TIPRL: variants seen among roughly 807,000 people sequenced by gnomAD.
The protein encoded by TIPRL is TIP41-like protein.
TIPRL carries 10 observed loss-of-function variants against 32.3 expected under a neutral mutation model. That is an observed-to-expected ratio of 0.31 (90% confidence interval 0.19 to 0.52). The LOEUF is 0.52. TIPRL is among the 20% of genes least tolerant of loss of function. The probability of loss-of-function intolerance (pLI) is 0.96; values close to 1 mark genes in which losing one functional copy is unlikely to be tolerated. For synonymous variants in TIPRL, 100 were observed against 114.0 expected, an observed-to-expected ratio of 0.88 and a Z score of 0.78; for missense variants, 250 against 328.1, an observed-to-expected ratio of 0.76 and a Z score of 1.84.
At chr1:168,188,866 C>T (rs1211011186) in intron 3 of TIPRL, among the ~76,000 whole-genome samples, 5 of 152,018 alleles carry the variant, frequency 3.3e-5, no homozygotes, top group African/African-American at 4.8e-5. Flanking sequence ...GTGTAATCCT[C>T]GCTACTTGGG....
At chr1:168,185,083 T>C (rs1300294665) in intron 3 of TIPRL, among the ~76,000 whole-genome samples, 1 of 152,222 alleles carries the variant, frequency 6.6e-6, no homozygotes, top group Non-Finnish European at 1.5e-5. Context: ...AAAAATTTAT[T>C]TTTAAAAGTG....
In TIPRL at chr1:168,179,014, C is replaced by T. The variant is rs1699925188; in HGVS notation, c.-64C>T. ...CTGGGCCGGAGGGAGGCGGAGGAACCGGTGTTCGCCGCCGCCGCTGCTTCA... is the reference window on the plus strand; with the variant it reads ...CTGGGCCGGAGGGAGGCGGAGGAACTGGTGTTCGCCGCCGCCGCTGCTTCA... On this transcript the variant is annotated 5_prime_UTR_variant, in exon 1 of 7. Coordinates refer to ENST00000367833, the MANE Select transcript of TIPRL (RefSeq NM_152902.5). The T allele has an allele frequency of 7.0e-6, 10 of 1,436,788 alleles. No homozygotes were observed. Among genetic ancestry groups the T allele is most frequent in the Non-Finnish European group, 9.6e-6 (10 of 1,040,850 alleles). The allele number at this position is 1,436,788 out of a possible 1,614,324, so 89.0% of individuals were successfully genotyped here.
At chr1:168,191,667 C>G (rs879755139) in intron 4 of TIPRL, among the ~76,000 whole-genome samples, 167 bp downstream of exon 4, 6 of 151,680 alleles carry the variant, frequency 4.0e-5, no homozygotes, top group Non-Finnish European at 8.8e-5. Context: ...GGTCAGGAGA[C>G]CGAGACCATC....
intron 3 of TIPRL, among the ~76,000 whole-genome samples, chr1:168,185,091 G>A (rs762935596): frequency 6.6e-6 from 1 of 152,220 alleles, no homozygotes; most frequent in Non-Finnish European, 1.5e-5. Context: ...ATTTTTAAAA[G>A]TGTAGTTGGT....
At chr1:168,187,761 TCAGGAGTTCAAGAC>T (rs1177455553) in intron 3 of TIPRL, among the ~76,000 whole-genome samples, 2 of 152,078 alleles carry the variant, frequency 1.3e-5, no homozygotes, top group Non-Finnish European at 2.9e-5. Flanking sequence ...TCACTTGAGC[TCAGGAGTTCAAGAC>T]CAGTCTGGGC....
At chr1:168,179,911 G>C (rs1699939542) in intron 1 of TIPRL, among the ~76,000 whole-genome samples, 1 of 152,080 alleles carries the variant, frequency 6.6e-6, no homozygotes, top group Admixed American at 6.5e-5. Context: ...GCTGTGATGT[G>C]TTTAAAGAGC....
intron 3 of TIPRL, among the ~76,000 whole-genome samples, chr1:168,185,104 C>T (rs1434780446): frequency 1.3e-5 from 2 of 152,172 alleles, no homozygotes; most frequent in Non-Finnish European, 2.9e-5. Flanking sequence ...TAGTTGGTGG[C>T]AACGGCAGAC....
intron 1 of TIPRL, 59 bp from the exon 2 acceptor site, chr1:168,183,843 G>T (rs1699995837): frequency 1.3e-6 from 2 of 1,559,982 alleles, no homozygotes; most frequent in Non-Finnish European, 1.8e-6. Flanking sequence ...GGATGGAAAA[G>T]AAACAAAAAT....
chr1:168,184,108 C>CA, intron 2 of TIPRL, 27 bp downstream of exon 2: 2 of 1,570,446 alleles, frequency 1.3e-6, no homozygotes, highest in Non-Finnish European at 1.7e-6. Flanking sequence ...TTAGGTTAAA[C>CA]AAAAAAGGTA....
At chr1:168,186,937 T>A (rs574245690) in intron 3 of TIPRL, among the ~76,000 whole-genome samples, 9 of 152,246 alleles carry the variant, frequency 5.9e-5, no homozygotes, top group Non-Finnish European at 1.3e-4. Flanking sequence ...TAGAGTCTCA[T>A]GAAGATAAAA....
intron 1 of TIPRL, among the ~76,000 whole-genome samples, chr1:168,181,391 AGTAGAGATGGGGTTTCAC>A (rs1288373728): frequency 6.6e-6 from 1 of 151,014 alleles, no homozygotes; most frequent in Non-Finnish European, 1.5e-5. Flanking sequence ...TTGTATTTTT[AGTAGAGATGGGGTTTCAC>A]CATGTTGGTC....
At position 168,201,787 on chromosome 1, in the gene TIPRL, G is replaced by GTGTGT. The variant is rs920383953; in HGVS notation, c.*1742_*1746dup. 1 of 151,130 alleles carries GTGTGT rather than the reference G, an allele frequency of 6.6e-6. No individual in the cohort carries two copies. The highest frequency in any genetic ancestry group is 1.5e-5 in the Non-Finnish European group (1 of 67,862). 9.4% of individuals were successfully genotyped at this position (151,130 alleles called of 1,614,324 possible). A position where few individuals can be genotyped will look rare whatever the true frequency, so the allele number is the denominator to read the frequency against. On this transcript the variant is annotated 3_prime_UTR_variant, in exon 7 of 7. Coordinates refer to ENST00000367833, the MANE Select transcript of TIPRL (RefSeq NM_152902.5). ...GGCAACATCGTGTGTGTGTGTGTGT[G>GTGTGT]TGTGTGTGTGTGTGTGTGTATACAG...
intron 4 of TIPRL, among the ~76,000 whole-genome samples, chr1:168,192,982 T>C (rs1196806659): frequency 3.3e-5 from 5 of 152,204 alleles, no homozygotes; most frequent in African/African-American, 1.2e-4. Flanking sequence ...CATCAAACAT[T>C]GTTCTTGGGG....
At chr1:168,198,033 A>G (rs552629272) in intron 5 of TIPRL, among the ~76,000 whole-genome samples, 3 of 152,280 alleles carry the variant, frequency 2.0e-5, no homozygotes, top group Admixed American at 2.0e-4. Flanking sequence ...CCATTAATTA[A>G]ATTGTTTATA....
intron 5 of TIPRL, among the ~76,000 whole-genome samples, chr1:168,197,075 A>G (rs1700166775): frequency 6.6e-6 from 1 of 152,196 alleles, no homozygotes; most frequent in East Asian, 1.9e-4. Flanking sequence ...GCACTTTGGG[A>G]GGCCGAGGTG....
At chr1:168,188,316 A>G (rs184010742) in intron 3 of TIPRL, among the ~76,000 whole-genome samples, 100 of 152,274 alleles carry the variant, frequency 6.6e-4, no homozygotes, top group African/African-American at 2.4e-3. Flanking sequence ...GAGAATATTC[A>G]TAGTCAAGGA....
At chr1:168,196,457 G>GT (rs1028489339) in intron 4 of TIPRL, 90 bp from the exon 5 acceptor site, 4 of 879,928 alleles carry the variant, frequency 4.5e-6, no homozygotes, top group East Asian at 3.0e-5. Flanking sequence ...GGGTTTTTTT[G>GT]TTTTTTGTTT....
chr1:168,184,706 G>C, intron 2 of TIPRL, 73 bp from the exon 3 acceptor site: 1 of 872,162 alleles, frequency 1.1e-6, no homozygotes, highest in East Asian at 2.7e-5. Context: ...AATATAATTT[G>C]ATGTGATATA....
At chr1:168,182,431 GC>G (rs1246696890) in intron 1 of TIPRL, among the ~76,000 whole-genome samples, 1 of 152,086 alleles carries the variant, frequency 6.6e-6, no homozygotes, top group African/African-American at 2.4e-5. Flanking sequence ...TTCGAGACCA[GC>G]CTGGCCAACA....
Sources: gnomAD v4.1 joint callset for allele counts (sites outside exome capture counted in the v4.1 genomes callset) on GRCh38, gnomAD v4.1.1 for gene constraint, MANE v1.5 for transcripts, NCBI Gene and HGNC (gene_info 2026-07-23, HGNC 2026-07-21) for gene names.